The following LSMEM1 variants were observed in gnomAD, a reference collection of about 807,000 sequenced individuals.
The protein encoded by LSMEM1 is leucine-rich single-pass membrane protein 1.
LSMEM1 carries 10 observed loss-of-function variants against 11.3 expected under a neutral mutation model. The ratio of observed to expected loss-of-function variants is 0.89; its 90% CI spans 0.55 to 1.50. The LOEUF is 1.50. Ranked by LOEUF, LSMEM1 falls within the 40% of genes most tolerant of loss-of-function variation. LSMEM1 has a pLI of 0.00. For synonymous variants in LSMEM1, 65 were observed against 59.3 expected (o/e 1.10, Z -0.44); for missense variants, 151 against 152.9 (o/e 0.99, Z 0.06).
At chr7:112,486,315 C>G (rs751965273) in intron 2 of LSMEM1, 8 of 439,494 alleles carry the variant, frequency 1.8e-5, no homozygotes, top group Non-Finnish European at 3.2e-5. Context: ...TATATTCCCT[C>G]TCCCCACACA....
chr7:112,486,840 T>C (rs1382779405), intron 2 of LSMEM1, 83 bp from the exon 3 acceptor site: 2 of 1,572,834 alleles, frequency 1.3e-6, no homozygotes, highest in Admixed American at 3.6e-5. Context: ...ACTCACGGTC[T>C]AACACTGGGG....
In LSMEM1 at chr7:112,486,791, C is replaced by G. The variant is rs909637072; in HGVS notation, c.128-132C>G. ...ACTCTGTCTCAAAAAAAAAGAGTCA[C>G]TTTCTAGGCTTGTCAGAGAGAAAGT... On this transcript the variant is annotated intron_variant, in intron 2 of 3. Transcript: ENST00000312849. The G allele has an allele frequency of 1.3e-5, 17 of 1,304,636 alleles. No individual in the cohort carries two copies. In the African/African-American group the frequency reaches 2.4e-4, roughly 18 times the overall value. 80.8% of individuals were successfully genotyped at this position (1,304,636 alleles called of 1,614,324 possible). A position where few individuals can be genotyped will look rare whatever the true frequency, so the allele number is the denominator to read the frequency against.
At chr7:112,487,333 A>G (rs767861050) in intron 3 of LSMEM1, among the ~76,000 whole-genome samples, 13 of 152,312 alleles carry the variant, frequency 8.5e-5, no homozygotes, top group Non-Finnish European at 1.5e-4. Context: ...TAGCTGCCCA[A>G]TGGAAGGCAA....
chr7:112,480,543 A>G (rs747842426), upstream of LSMEM1, among the ~76,000 whole-genome samples: 18 of 152,220 alleles, frequency 1.2e-4, no homozygotes, highest in Non-Finnish European at 2.4e-4. Flanking sequence ...TCACTGTAGC[A>G]TCTTTTATGT....
rs775130445 is a variant in LSMEM1 at position 112,484,865 on chromosome 7, G to A, written c.49G>A (p.Gly17Arg). Residue 17 changes from glycine (G) to arginine (R), a missense_variant, in exon 2 of 4, where the codon GGA becomes AGA. Coordinates refer to ENST00000312849, the MANE Select transcript of LSMEM1 (RefSeq NM_182597.3). The part of the protein sequence containing the change: ...DTGSCGIQED[G>R]KLYVVDSIND... The stretch of plus-strand genomic sequence containing the variant: ...TGGTTCTTGTGGCATTCAGGAAGAT[G>A]GAAAGCTTTATGTGGTGGATTCCAT... 6.8e-6 allele frequency: 11 copies of A among 1,613,862 alleles called. No individual in the cohort carries two copies. The highest frequency in any genetic ancestry group is 9.3e-6 in the Non-Finnish European group (11 of 1,179,828).
In LSMEM1 at chr7:112,484,821, C is replaced by T. The variant is rs1376889310; in HGVS notation, c.5C>T (p.Thr2Ile). 6.2e-7 allele frequency: 1 copy of T among 1,613,034 alleles called. No homozygotes were observed. Among genetic ancestry groups the T allele is most frequent in the Non-Finnish European group, 8.5e-7 (1 of 1,179,400 alleles). M[T>I]HSSQDTGSCG... Reference sequence around the variant, plus strand: ...CAGTGTTTTCTTCCAGGGACAATGACTCATTCTTCCCAGGACACTGGTTCT... The same window carrying T: ...CAGTGTTTTCTTCCAGGGACAATGATTCATTCTTCCCAGGACACTGGTTCT... The change falls in exon 2 of 4, where the codon ACT becomes ATT. Residue 2 changes from threonine (T) to isoleucine (I), a missense_variant. Coordinates refer to ENST00000312849, the MANE Select transcript of LSMEM1 (RefSeq NM_182597.3).
Position 112,486,958 on chromosome 7 carries a change from T to C in LSMEM1, c.163T>C (p.Ser55Pro). 1 of 1,614,172 alleles carries C rather than the reference T, an allele frequency of 6.2e-7. No homozygotes were observed. Among genetic ancestry groups the C allele is most frequent in the East Asian group, 2.2e-5 (1 of 44,894 alleles). The change falls in exon 3 of 4, where the codon TCA becomes CCA. Residue 55 changes from serine (S) to proline (P), a missense_variant. Physicochemically the swap from Ser to Pro is moderately conservative, Grantham distance 74 (BLOSUM62 -1). Coordinates refer to ENST00000312849, the MANE Select transcript of LSMEM1 (RefSeq NM_182597.3). ...CAAAATCCCAGTCCTTGGCACAAAC[T>C]CAGGAAATGGAAGCCGGAGTCTGTT... The part of the protein sequence containing the change: ...EDKIPVLGTN[S>P]GNGSRSLFFV...
At chr7:112,482,537 A>G (rs974785132) in intron 1 of LSMEM1, among the ~76,000 whole-genome samples, 1 of 152,254 alleles carries the variant, frequency 6.6e-6, no homozygotes, top group Non-Finnish European at 1.5e-5. Context: ...AGCTGTGTGC[A>G]GAACAGTGGT....
intron 2 of LSMEM1, among the ~76,000 whole-genome samples, chr7:112,485,756 C>T (rs1009368986): frequency 6.6e-6 from 1 of 151,842 alleles, no homozygotes; most frequent in Non-Finnish European, 1.5e-5. Context: ...GTGGCTGAAG[C>T]GTATGGCATA....
At chr7:112,483,752 A>G (rs1796077440) in intron 1 of LSMEM1, 1 of 152,178 alleles carries the variant, frequency 6.6e-6, no homozygotes, top group African/African-American at 2.4e-5. Flanking sequence ...TGCCAGGCAA[A>G]TGTGTGATCC....
chr7:112,481,429 G>A (rs990003203), intron 1 of LSMEM1, 83 bp downstream of exon 1: 11 of 152,166 alleles, frequency 7.2e-5, no homozygotes, highest in Admixed American at 3.3e-4. Flanking sequence ...TGTGCTCTGT[G>A]TTTTTCATTT....
intron 1 of LSMEM1, among the ~76,000 whole-genome samples, chr7:112,482,579 T>C (rs533239492): frequency 6.6e-6 from 1 of 152,324 alleles, no homozygotes; most frequent in South Asian, 2.1e-4. Context: ...CTTTTTTTCC[T>C]GGTCACATAT....
At chr7:112,485,522 A>G (rs1796111744) in intron 2 of LSMEM1, among the ~76,000 whole-genome samples, 1 of 152,184 alleles carries the variant, frequency 6.6e-6, no homozygotes, top group South Asian at 2.1e-4. Flanking sequence ...CTGACATTCA[A>G]ACACCAGTGT....
chr7:112,485,026 T>TG, intron 2 of LSMEM1, 83 bp downstream of exon 2: 1 of 1,344,686 alleles, frequency 7.4e-7, no homozygotes, highest in Non-Finnish European at 1.0e-6. Context: ...GATGTGTGGG[T>TG]GTGGTGGAGG....
At chr7:112,485,833 G>T (rs1235615425) in intron 2 of LSMEM1, among the ~76,000 whole-genome samples, 1 of 151,724 alleles carries the variant, frequency 6.6e-6, no homozygotes, top group African/African-American at 2.4e-5. Context: ...ACAGTGAGTG[G>T]GACCAATTCA....
At chr7:112,481,430 T>G (rs1796031640) in intron 1 of LSMEM1, 84 bp downstream of exon 1, 1 of 152,306 alleles carries the variant, frequency 6.6e-6, no homozygotes, top group South Asian at 2.1e-4. Flanking sequence ...GTGCTCTGTG[T>G]TTTTCATTTT....
chr7:112,487,515 C>T (rs1424687487), intron 3 of LSMEM1, among the ~76,000 whole-genome samples: 1 of 152,242 alleles, frequency 6.6e-6, no homozygotes, highest in African/African-American at 2.4e-5. Context: ...GTGCAAGGCC[C>T]CAGAGACAGT....
chr7:112,486,374 C>A (rs1345060384), intron 2 of LSMEM1: 1 of 454,618 alleles, frequency 2.2e-6, no homozygotes, highest in African/African-American at 2.0e-5. Flanking sequence ...CTTCAAAGAA[C>A]TTTCCAAAGA....
Position 112,484,939 on chromosome 7 carries a change from G to A in LSMEM1, c.123G>A (p.Leu41=). Residue 41 remains leucine, a synonymous_variant, in exon 2 of 4, where the codon CTG becomes CTA. Transcript: ENST00000312849. ...LNLCPAGSQH[L]FPLEDKIPVL... ...TCTGTCCAGCCGGATCGCAGCATCT[G>A]TTCCGTATGTGTGCTGGGGAAGGCA... The A allele has an allele frequency of 6.2e-7, 1 of 1,610,074 alleles. No homozygotes were observed.
Sources: gnomAD v4.1 joint callset for allele counts (sites outside exome capture counted in the v4.1 genomes callset) on GRCh38, gnomAD v4.1.1 for gene constraint, MANE v1.5 for transcripts, NCBI Gene and HGNC (gene_info 2026-07-23, HGNC 2026-07-21) for gene names.